The following INTS7 variants were observed in gnomAD, a reference collection of about 807,000 sequenced individuals.
INTS7 encodes chromosome 1 open reading frame 73.
A neutral mutation model predicts 109.2 loss-of-function variants in INTS7; 46 were observed. The observed-to-expected ratio is 0.42, with a 90% CI of 0.33 to 0.54. The LOEUF (loss-of-function observed/expected upper bound fraction) is 0.54, where lower values mean the gene tolerates loss of function less well. Ranked by LOEUF, INTS7 falls within the 20% of genes least tolerant of loss-of-function variation. INTS7 has a pLI of 0.07. For synonymous variants in INTS7, 412 were observed against 402.9 expected, an observed-to-expected ratio of 1.02 and a Z score of -0.27; for missense variants, 929 against 1,132.4, an observed-to-expected ratio of 0.82 and a Z score of 2.58.
rs386354574 is a variant in INTS7 at position 212,019,261 on chromosome 1, T to TAAA, written c.371+860_371+861insTTT. Among the ~76,000 whole-genome samples the TAAA allele has an allele frequency of 1.1e-3, 161 of 152,098 alleles. 1 individual carries two copies. The highest frequency in any genetic ancestry group is 3.3e-3 in the East Asian group (17 of 5,186). On this transcript the variant is annotated intron_variant, in intron 3 of 19. Coordinates refer to ENST00000366994, the MANE Select transcript of INTS7 (RefSeq NM_015434.4). ...GCAAGACTCCATCTCAATAAATAAA[T>TAAA]TAATTAATTAATTAATTCGATTGAA...
chr1:212,021,254 A>G (rs1164987268), intron 1 of INTS7, 42 bp from the exon 2 acceptor site: 2 of 1,559,146 alleles, frequency 1.3e-6, no homozygotes, highest in Admixed American at 2.1e-5. Context: ...AACAGTTTGC[A>G]TATTTGTGGC....
chr1:211,975,792 C>T lies in INTS7; in HGVS notation c.1609-420G>A, dbSNP rs1664393143. Among the ~76,000 whole-genome samples the T allele has an allele frequency of 2.6e-5, 4 of 152,130 alleles. No homozygotes were observed. In the South Asian group the frequency reaches 8.3e-4, roughly 31 times the overall value. On this transcript the variant is annotated intron_variant, in intron 12 of 19. Coordinates refer to ENST00000366994, the MANE Select transcript of INTS7 (RefSeq NM_015434.4). ...CATTTAATGCCTGGGGCCAGGGATACTCAATGTCCTGCAGTGCTTGGGACA... is the reference window on the plus strand; with the variant it reads ...CATTTAATGCCTGGGGCCAGGGATATTCAATGTCCTGCAGTGCTTGGGACA...
chr1:211,982,690 G>T lies in INTS7; in HGVS notation c.1118C>A (p.Ser373Tyr). 1 of 1,604,202 alleles carries T rather than the reference G, an allele frequency of 6.2e-7. No homozygotes were observed. The highest frequency in any genetic ancestry group is 8.5e-7 in the Non-Finnish European group (1 of 1,175,172). ...ATCAAACTTACCCTTTTCTTGACAA[G>T]AAACAGTTATATTAGTTAGGACTCT... ...GVRVLTNITV[S>Y]CQEKDLLALE... Residue 373 changes from serine (S) to tyrosine (Y), a missense_variant, in exon 9 of 20, where the codon TCT becomes TAT. Ser to Tyr is a moderately radical substitution (Grantham distance 144). Around this residue, in one of 2 missense-constraint regions of INTS7, gnomAD observed 787 missense variants for 901.1 expected, o/e 0.87. Transcript: ENST00000366994.
intron 16 of INTS7, among the ~76,000 whole-genome samples, chr1:211,957,258 A>C (rs1663410555): frequency 6.6e-6 from 1 of 152,064 alleles, no homozygotes; most frequent in South Asian, 2.1e-4. Context: ...ATAAAATTGG[A>C]TTGTCAGCCG....
At chr1:211,967,304 A>T (rs1476798717) in intron 15 of INTS7, among the ~76,000 whole-genome samples, 1 of 151,934 alleles carries the variant, frequency 6.6e-6, no homozygotes, top group Non-Finnish European at 1.5e-5. Flanking sequence ...TATAAAAATT[A>T]GCCAGGTTGT....
chr1:212,024,067 T>C (rs944905560), intron 1 of INTS7, among the ~76,000 whole-genome samples: 1 of 152,212 alleles, frequency 6.6e-6, no homozygotes, highest in Non-Finnish European at 1.5e-5. Context: ...GCTGTCTATG[T>C]GACTGTGTGT....
chr1:211,955,777 T>C (rs1663335681), intron 16 of INTS7, among the ~76,000 whole-genome samples: 1 of 152,218 alleles, frequency 6.6e-6, no homozygotes, highest in Non-Finnish European at 1.5e-5. Context: ...AGTTTATGCA[T>C]ACGTGGCTCA....
intron 1 of INTS7, among the ~76,000 whole-genome samples, chr1:212,026,152 A>C (rs1666908961): frequency 6.6e-6 from 1 of 152,174 alleles, no homozygotes; most frequent in Admixed American, 6.5e-5. Flanking sequence ...CTCCAAAAAA[A>C]ACAAAAAGAC....
intron 17 of INTS7, among the ~76,000 whole-genome samples, chr1:211,951,243 C>T (rs1663069216): frequency 1.3e-5 from 2 of 152,128 alleles, no homozygotes; most frequent in African/African-American, 4.8e-5. Context: ...AAGCTGCAAC[C>T]CCCAAGGTAA....
intron 4 of INTS7, 182 bp from the exon 5 acceptor site, chr1:212,011,603 C>T (rs1249141081): frequency 1.7e-6 from 1 of 580,894 alleles, no homozygotes; most frequent in Non-Finnish European, 3.1e-6. Context: ...AACAAAAACT[C>T]CAGCACCAAA....
intron 5 of INTS7, among the ~76,000 whole-genome samples, chr1:212,009,046 T>C (rs1407285367): frequency 6.6e-6 from 1 of 152,152 alleles, no homozygotes; most frequent in Admixed American, 6.6e-5. Flanking sequence ...GGGATCTTTG[T>C]GTTTACAGGC....
At chr1:212,011,640 C>T (rs974491985) in intron 4 of INTS7, 1 of 507,620 alleles carries the variant, frequency 2.0e-6, no homozygotes, top group African/African-American at 1.9e-5. Context: ...TGCTCTAAAG[C>T]AGCTCACTTA....
In INTS7 at chr1:211,941,862, G is replaced by A; in HGVS notation, c.2851C>T (p.Gln951Ter). The change falls in exon 20 of 20, where the codon CAG becomes TAG. Residue 951 changes from glutamine (Q) to a stop codon, truncating the protein, a stop_gained. Coordinates refer to ENST00000366994, the MANE Select transcript of INTS7 (RefSeq NM_015434.4). LOFTEE classifies it high-confidence loss of function. ...TAGGCATTGCGTTGCTGCTGCTGCT[G>A]TAATGGCTGCTGGGCTTGCTGCTGT... ...LQQQQAQQPLQQQQQRNAYTR... is the reference protein window; with the variant it reads ...LQQQQAQQPL 6.2e-7 allele frequency: 1 copy of A among 1,614,178 alleles called. No homozygotes were observed. Among genetic ancestry groups the A allele is most frequent in the Non-Finnish European group, 8.5e-7 (1 of 1,180,008 alleles).
rs1451652773 is a variant in INTS7 at position 211,968,716 on chromosome 1, A to G, written c.1816-9T>C. Reference sequence around the variant, plus strand: ...AGTGGTGTACTAGCTGCCTGGGAAAAAAAAAAAAAAGAGATATTTAAGACA... The same window carrying G: ...AGTGGTGTACTAGCTGCCTGGGAAAGAAAAAAAAAAGAGATATTTAAGACA... On this transcript the variant is annotated splice_polypyrimidine_tract_variant and intron_variant, in intron 13 of 19. Coordinates refer to ENST00000366994, the MANE Select transcript of INTS7 (RefSeq NM_015434.4). 6 of 1,561,870 alleles carry G rather than the reference A, an allele frequency of 3.8e-6. No homozygotes were observed. Among genetic ancestry groups the G allele is most frequent in the South Asian group, 2.3e-5 (2 of 85,376 alleles).
At chr1:211,967,237 G>A (rs1333147363) in intron 15 of INTS7, among the ~76,000 whole-genome samples, 3 of 152,010 alleles carry the variant, frequency 2.0e-5, no homozygotes, top group Non-Finnish European at 4.4e-5. Context: ...GATCACTTGA[G>A]GCCAGGAGTT....
At chr1:211,962,420 C>T (rs1663675967) in intron 16 of INTS7, among the ~76,000 whole-genome samples, 1 of 152,074 alleles carries the variant, frequency 6.6e-6, no homozygotes, top group Non-Finnish European at 1.5e-5. Context: ...CTTAGACTCC[C>T]ACACAATAAT....
At chr1:212,015,188 G>A (rs1571908105) in intron 4 of INTS7, among the ~76,000 whole-genome samples, 2 of 152,132 alleles carry the variant, frequency 1.3e-5, no homozygotes, top group Non-Finnish European at 2.9e-5. Flanking sequence ...CTGCCCAGCC[G>A]CCACCCCGTC....
chr1:211,985,727 G>A (rs887287672), intron 8 of INTS7, among the ~76,000 whole-genome samples: 3 of 152,186 alleles, frequency 2.0e-5, no homozygotes, highest in Admixed American at 6.5e-5. Context: ...TGGACATACC[G>A]TCAAACCTTT....
At chr1:211,991,791 G>T (rs1665160421) in intron 7 of INTS7, among the ~76,000 whole-genome samples, 1 of 152,210 alleles carries the variant, frequency 6.6e-6, no homozygotes. Context: ...AGAAAGCAGA[G>T]AGCCATGGAC....
Sources: gnomAD v4.1 joint callset for allele counts (sites outside exome capture counted in the v4.1 genomes callset) on GRCh38, gnomAD v4.1.1 for gene constraint, gnomAD v4.1.1 regional missense constraint, MANE v1.5 for transcripts, NCBI Gene and HGNC (gene_info 2026-07-23, HGNC 2026-07-21) for gene names.